The following EXOC6B variants were observed in gnomAD, a reference collection of about 807,000 sequenced individuals.
EXOC6B encodes the protein SEC15 homolog B.
A neutral mutation model predicts 113.5 loss-of-function variants in EXOC6B; 54 were observed. The observed-to-expected ratio is 0.48, with a 90% CI of 0.38 to 0.60. The LOEUF is 0.60. Among genes scored for constraint, EXOC6B ranks in the 20% least tolerant of loss-of-function variants. The probability of loss-of-function intolerance (pLI) is 0.00; values close to 1 mark genes in which losing one functional copy is unlikely to be tolerated. For missense variants in EXOC6B, 797 were observed against 977.5 expected (o/e 0.82, Z 2.46); for synonymous variants, 357 against 339.0 (o/e 1.05, Z -0.58).
chr2:72,782,609 T>C lies in EXOC6B; in HGVS notation c.114-41140A>G, dbSNP rs577755433. Among the ~76,000 whole-genome samples, 71 of 152,316 alleles carry C rather than the reference T, an allele frequency of 4.7e-4. No homozygotes were observed. In the South Asian group the frequency reaches 0.014, roughly 31 times the overall value. The stretch of plus-strand genomic sequence containing the variant: ...TAACTATAATCACCCTACTCTGCTA[T>C]AGAACATTAAAACTTATTCCTTCTA... On this transcript the variant is annotated intron_variant, in intron 1 of 21. Transcript: ENST00000272427.
intron 6 of EXOC6B, among the ~76,000 whole-genome samples, chr2:72,678,364 A>G (rs1229557335): frequency 1.3e-5 from 2 of 152,184 alleles, no homozygotes; most frequent in Non-Finnish European, 2.9e-5. Flanking sequence ...CCAGTAGTGA[A>G]ACAGTGCGGC....
chr2:72,252,448 G>C (rs778914519), intron 20 of EXOC6B, among the ~76,000 whole-genome samples: 1 of 152,148 alleles, frequency 6.6e-6, no homozygotes, highest in East Asian at 1.9e-4. Context: ...ACTCCAGCCT[G>C]GGTGACAGAG....
At chr2:72,716,620 A>G (rs1250622813) in intron 6 of EXOC6B, among the ~76,000 whole-genome samples, 3 of 152,178 alleles carry the variant, frequency 2.0e-5, no homozygotes, top group African/African-American at 7.2e-5. Context: ...ACACAGATTG[A>G]GTACCATAGT....
intron 18 of EXOC6B, among the ~76,000 whole-genome samples, chr2:72,427,693 G>A (rs987849223): frequency 5.3e-5 from 8 of 152,152 alleles, no homozygotes; most frequent in East Asian, 1.9e-4. Context: ...TGCCATGGTC[G>A]GCAGCAGGGG....
chr2:72,320,031 T>A (rs1375195571), intron 20 of EXOC6B, among the ~76,000 whole-genome samples: 2 of 151,910 alleles, frequency 1.3e-5, no homozygotes, highest in Non-Finnish European at 2.9e-5. Flanking sequence ...GAGATAGGGT[T>A]TCACCATGTT....
chr2:72,239,788 T>A (rs933766988), intron 20 of EXOC6B, among the ~76,000 whole-genome samples: 22 of 152,210 alleles, frequency 1.4e-4, no homozygotes, highest in African/African-American at 5.3e-4. Flanking sequence ...TCCATGAGCA[T>A]GAGATATATT....
At chr2:72,206,889 T>C (rs918839166) in intron 20 of EXOC6B, among the ~76,000 whole-genome samples, 12 of 152,212 alleles carry the variant, frequency 7.9e-5, no homozygotes, top group African/African-American at 2.7e-4. Context: ...AAACAACATA[T>C]GCTTTTTGCA....
At chr2:72,671,819 G>GAAAGA (rs1553464116) in intron 6 of EXOC6B, among the ~76,000 whole-genome samples, 1 of 132,898 alleles carries the variant, frequency 7.5e-6, no homozygotes, top group African/African-American at 2.8e-5. Flanking sequence ...AAGAAAGAAA[G>GAAAGA]AAGAGAAAAG....
intron 18 of EXOC6B, among the ~76,000 whole-genome samples, chr2:72,444,547 C>A (rs894607486): frequency 1.3e-5 from 2 of 152,244 alleles, no homozygotes; most frequent in African/African-American, 2.4e-5. Context: ...TCTGCCCCTG[C>A]AGCAAACTTC....
intron 19 of EXOC6B, among the ~76,000 whole-genome samples, chr2:72,347,299 G>A (rs915797265): frequency 6.6e-6 from 1 of 152,148 alleles, no homozygotes; most frequent in Non-Finnish European, 1.5e-5. Flanking sequence ...CCTGAGAGAT[G>A]AGAAAGACTG....
Position 72,660,703 on chromosome 2 carries a change from A to G in EXOC6B, c.669+57400T>C, listed in dbSNP as rs139495340. On this transcript the variant is annotated intron_variant, in intron 6 of 21. Coordinates refer to ENST00000272427, the MANE Select transcript of EXOC6B (RefSeq NM_015189.3). ...TGAAACTTCTCTAAATAGTTATAAA[A>G]TGATGACAGAAGTATTGGAGCAGCT... Among the ~76,000 whole-genome samples, 604 of 152,360 alleles carry G rather than the reference A, an allele frequency of 4.0e-3. 4 individuals carry two copies. The highest frequency in any genetic ancestry group is 7.2e-3 in the Non-Finnish European group (488 of 68,032).
chr2:72,309,824 C>G (rs987673333), intron 20 of EXOC6B, among the ~76,000 whole-genome samples: 19 of 152,140 alleles, frequency 1.2e-4, no homozygotes, highest in African/African-American at 4.6e-4. Flanking sequence ...ATTCCCCTGT[C>G]CCTGACATCC....
At chr2:72,393,070 GTTT>G (rs1204784814) in intron 18 of EXOC6B, among the ~76,000 whole-genome samples, 1 of 151,084 alleles carries the variant, frequency 6.6e-6, no homozygotes, top group Non-Finnish European at 1.5e-5. Context: ...TGAAGGTTTG[GTTT>G]TTTTGTTTGT....
At chr2:72,495,384 G>A (rs1258244517) in intron 15 of EXOC6B, 46 bp downstream of exon 15, 3 of 1,046,464 alleles carry the variant, frequency 2.9e-6, no homozygotes, top group Non-Finnish European at 1.4e-6. Flanking sequence ...AATACATGGA[G>A]TCACAATCTT....
At chr2:72,229,970 A>G (rs1028456360) in intron 20 of EXOC6B, among the ~76,000 whole-genome samples, 1 of 152,162 alleles carries the variant, frequency 6.6e-6, no homozygotes, top group Non-Finnish European at 1.5e-5. Flanking sequence ...TTCACTGTAC[A>G]ATGTTACCTA....
chr2:72,550,918 TA>T lies in EXOC6B; in HGVS notation c.915+8534del, dbSNP rs1370853970. On this transcript the variant is annotated intron_variant, in intron 8 of 21. Coordinates refer to ENST00000272427, the MANE Select transcript of EXOC6B (RefSeq NM_015189.3). Reference sequence around the variant, plus strand: ...AGATAACTGCCATTTATTTTTTTTTTATTTTTTTTTTTTTTTTTGAGACGGA... The same window carrying T: ...AGATAACTGCCATTTATTTTTTTTTTTTTTTTTTTTTTTTTTTGAGACGGA... 2.3e-3 allele frequency among the ~76,000 whole-genome samples: 345 copies of T among 147,068 alleles called. 6 individuals are homozygous for T. The highest frequency in any genetic ancestry group is 8.8e-3 in the African/African-American group (335 of 37,972).
At chr2:72,291,878 C>G (rs1304091960) in intron 20 of EXOC6B, among the ~76,000 whole-genome samples, 1 of 152,236 alleles carries the variant, frequency 6.6e-6, no homozygotes, top group East Asian at 1.9e-4. Flanking sequence ...AAAGTTAAAA[C>G]GCTTAACAGT....
At chr2:72,706,301 G>T (rs536861483) in intron 6 of EXOC6B, among the ~76,000 whole-genome samples, 37 of 152,168 alleles carry the variant, frequency 2.4e-4, no homozygotes, top group Admixed American at 7.9e-4. Context: ...CAGCTGAAAG[G>T]TGTGTGTGTC....
In EXOC6B at chr2:72,783,606, G is replaced by A. The variant is rs1201319410; in HGVS notation, c.114-42137C>T. On this transcript the variant is annotated intron_variant, in intron 1 of 21. Coordinates refer to ENST00000272427, the MANE Select transcript of EXOC6B (RefSeq NM_015189.3). ...CAAAGTGCTGAGATTACAGGAGTGA[G>A]CCACCACACCCAGCCCCTGTTGGTC... Among the ~76,000 whole-genome samples the A allele has an allele frequency of 2.0e-5, 3 of 152,066 alleles. No individual in the cohort carries two copies. The East Asian group carries it at 5.8e-4, about 29-fold the overall frequency.
Sources: allele counts gnomAD v4.1 joint callset (sites outside exome capture counted in the v4.1 genomes callset), GRCh38; gene constraint gnomAD v4.1.1; transcripts MANE v1.5; gene names NCBI Gene and HGNC (gene_info 2026-07-23, HGNC 2026-07-21).